KANK1: variants seen among roughly 807,000 people sequenced by gnomAD.
The protein encoded by KANK1 is KN motif and ankyrin repeat domains 1.
In KANK1, 109 loss-of-function variants were observed where a neutral mutation model predicts 106.2. The ratio of observed to expected loss-of-function variants is 1.03; its 90% CI spans 0.88 to 1.20. The LOEUF (loss-of-function observed/expected upper bound fraction) is 1.20, where lower values mean the gene tolerates loss of function less well. KANK1 is among the 50% of genes most tolerant of loss of function. The pLI, the probability that KANK1 is intolerant of heterozygous loss-of-function variation, is 0.00. For missense variants in KANK1, 2,399 were observed against 1,710.7 expected (o/e 1.40, Z -7.10); for synonymous variants, 873 against 652.2 (o/e 1.34, Z -5.16).
In KANK1 at chr9:590,832, C is replaced by T. The variant is rs142890261; in HGVS notation, c.-83-86058C>T. Among the ~76,000 whole-genome samples the T allele has an allele frequency of 2.8e-3, 418 of 151,902 alleles. 10 individuals carry two copies. The highest frequency in any genetic ancestry group is 9.6e-3 in the African/African-American group (397 of 41,200). On this transcript the variant is annotated intron_variant, in intron 1 of 11. Coordinates refer to ENST00000382297, the MANE Select transcript of KANK1 (RefSeq NM_015158.5). Reference sequence around the variant, plus strand: ...CACTTTGGACATATGCATTAATGTACATTCTTCTAACTGTATTTGTGAGGC... The same window carrying T: ...CACTTTGGACATATGCATTAATGTATATTCTTCTAACTGTATTTGTGAGGC...
At chr9:477,907 C>G (rs902176694) in intron 3 of KANK1, 1 of 154,284 alleles carries the variant, frequency 6.5e-6, no homozygotes, top group African/African-American at 2.4e-5. Context: ...TGCCAGGTGC[C>G]CTGGTGGAAA....
chr9:558,697 A>G (rs1815548990), intron 1 of KANK1: 1 of 151,980 alleles, frequency 6.6e-6, no homozygotes, highest in African/African-American at 2.4e-5. Context: ...AAATGAAAAA[A>G]AAAAGCCCTA....
chr9:492,105 C>T (rs2058387480), intron 3 of KANK1: 1 of 152,176 alleles, frequency 6.6e-6, no homozygotes, highest in Non-Finnish European at 1.5e-5. Flanking sequence ...CAGGAACAGC[C>T]AGGAGGCAAC....
At chr9:668,406 C>G (rs1845154449) in intron 1 of KANK1, among the ~76,000 whole-genome samples, 1 of 152,116 alleles carries the variant, frequency 6.6e-6, no homozygotes, top group South Asian at 2.1e-4. Flanking sequence ...AGCTGAATTT[C>G]AGTCCATCAA....
rs1832135658 is a variant in KANK1, at chr9:731,153, C to T, written c.2897-5C>T. The T allele has an allele frequency of 6.4e-7, 1 of 1,563,358 alleles. No individual in the cohort carries two copies. ...TTCATTTTTATTGCCTTGACTTTTT[C>T]ACAGCATGTACAAACAATGAAAGTA... On this transcript the variant is annotated splice_polypyrimidine_tract_variant and splice_region_variant and intron_variant, in intron 4 of 11. Transcript: ENST00000382297.
At chr9:734,452 G>A in intron 6 of KANK1, 1 of 276,094 alleles carries the variant, frequency 3.6e-6, no homozygotes. Flanking sequence ...GATCACCTGA[G>A]GTCAGGAGTT....
At chr9:587,696 C>A (rs1823845458) in intron 1 of KANK1, among the ~76,000 whole-genome samples, 6 of 152,168 alleles carry the variant, frequency 3.9e-5, no homozygotes, top group Admixed American at 3.3e-4. Context: ...AAATACCAAG[C>A]ATTTTATATA....
Position 553,460 on chromosome 9 carries a change from G to A in KANK1, c.-84+48706G>A, listed in dbSNP as rs551495885. Among the ~76,000 whole-genome samples the A allele has an allele frequency of 3.9e-5, 6 of 152,202 alleles. No individual in the cohort carries two copies. The South Asian group carries it at 8.3e-4, about 21-fold the overall frequency. On this transcript the variant is annotated intron_variant, in intron 1 of 11. Transcript: ENST00000382297. ...AAGTGGCTGAGTTTTCTAAGAGCACGCAGGTGGAAAGTGATCAAGCTGAGT... is the reference window on the plus strand; with the variant it reads ...AAGTGGCTGAGTTTTCTAAGAGCACACAGGTGGAAAGTGATCAAGCTGAGT...
At chr9:523,309 C>T (rs1332636486) in intron 1 of KANK1, among the ~76,000 whole-genome samples, 1 of 151,640 alleles carries the variant, frequency 6.6e-6, no homozygotes, top group African/African-American at 2.4e-5. Context: ...CTATCTCATA[C>T]ACCCTACCTT....
rs1826240828 is a variant in KANK1, at chr9:596,487, T to C, written c.-83-80403T>C. On this transcript the variant is annotated intron_variant, in intron 1 of 11. Transcript: ENST00000382297. ...CTAGGCTTTTGTTTCTGGCAATGGA[T>C]CATTTTGCTGTCACGGAGCCAGTGA... Among the ~76,000 whole-genome samples the C allele has an allele frequency of 2.0e-5, 3 of 151,888 alleles. No homozygotes were observed. In the South Asian group the frequency reaches 6.2e-4, roughly 31 times the overall value.
At chr9:615,966 G>T (rs1170382979) in intron 1 of KANK1, among the ~76,000 whole-genome samples, 1 of 152,118 alleles carries the variant, frequency 6.6e-6, no homozygotes, top group Non-Finnish European at 1.5e-5. Context: ...GATGCCATTT[G>T]CCTGCCCAGA....
intron 1 of KANK1, among the ~76,000 whole-genome samples, chr9:510,718 C>T (rs778609782): frequency 3.9e-5 from 6 of 151,952 alleles, no homozygotes; most frequent in Non-Finnish European, 8.8e-5. Context: ...ATATATAGGC[C>T]GAAAAAAGTA....
rs560553121 is a variant in KANK1 at position 667,388 on chromosome 9, G to A, written c.-83-9502G>A. On this transcript the variant is annotated intron_variant, in intron 1 of 11. Coordinates refer to ENST00000382297, the MANE Select transcript of KANK1 (RefSeq NM_015158.5). ...TTTTGTTTTGTTGATCTTCAGTAAT[G>A]TTTTAATCTCAATTTCATTTATTTT... Among the ~76,000 whole-genome samples the A allele has an allele frequency of 3.3e-5, 5 of 151,656 alleles. No individual in the cohort carries two copies. The East Asian group carries it at 5.8e-4, about 18-fold the overall frequency.
rs766239013 is a variant in KANK1 at position 710,817 on chromosome 9, TATTCTC to T, written c.53_58del (p.Ile18_Leu19del). 2 of 1,587,876 alleles carry T rather than the reference TATTCTC, an allele frequency of 1.3e-6. No homozygotes were observed. Among genetic ancestry groups the T allele is most frequent in the Non-Finnish European group, 1.7e-6 (2 of 1,170,352 alleles). ...TCCCTCTTCTAGGAAAAGCAGGTGATATTCTCAGTGGAGACCAGGACAAGGAACAGA... is the reference window on the plus strand; with the variant it reads ...TCCCTCTTCTAGGAAAAGCAGGTGATAGTGGAGACCAGGACAAGGAACAGA... On this transcript the variant is annotated inframe_deletion, in exon 3 of 12. Coordinates refer to ENST00000382297, the MANE Select transcript of KANK1 (RefSeq NM_015158.5).
intron 1 of KANK1, among the ~76,000 whole-genome samples, chr9:531,596 T>C (rs1431959679): frequency 1.3e-5 from 2 of 152,202 alleles, no homozygotes; most frequent in Non-Finnish European, 2.9e-5. Flanking sequence ...GACTCTGTCA[T>C]TTGAGATGCA....
chr9:482,104 G>C (rs2058214927), intron 3 of KANK1, among the ~76,000 whole-genome samples: 1 of 152,134 alleles, frequency 6.6e-6, no homozygotes, highest in Non-Finnish European at 1.5e-5. Flanking sequence ...AGTTCCCACA[G>C]CTGGGCCCTA....
chr9:679,426 T>G (rs566768869), intron 2 of KANK1, among the ~76,000 whole-genome samples: 2 of 152,232 alleles, frequency 1.3e-5, no homozygotes, highest in Admixed American at 1.3e-4. Context: ...AAAAAAAATT[T>G]TTTTTTGAGA....
chr9:523,563 T>G (rs2059646237), intron 1 of KANK1, among the ~76,000 whole-genome samples: 1 of 151,756 alleles, frequency 6.6e-6, no homozygotes, highest in African/African-American at 2.4e-5. Flanking sequence ...TACAGTGAAC[T>G]CCATGGCTGT....
At chr9:599,720 C>G (rs1250156180) in intron 1 of KANK1, among the ~76,000 whole-genome samples, 3 of 151,708 alleles carry the variant, frequency 2.0e-5, no homozygotes, top group Non-Finnish European at 4.4e-5. Context: ...AAATAGAGTA[C>G]TTGAGGGATG....
Sources: gnomAD v4.1 joint callset for allele counts (sites outside exome capture counted in the v4.1 genomes callset) on GRCh38, gnomAD v4.1.1 for gene constraint, MANE v1.5 for transcripts, NCBI Gene and HGNC (gene_info 2026-07-23, HGNC 2026-07-21) for gene names.